MTREX: variants seen among roughly 807,000 people sequenced by gnomAD.
MTREX encodes the protein exosome RNA helicase MTR4.
In MTREX, 76 loss-of-function variants were observed where a neutral mutation model predicts 135.4. That is an observed-to-expected ratio of 0.56 (90% CI 0.47 to 0.68). MTREX has a LOEUF of 0.68. Ranked by LOEUF, MTREX falls within the 30% of genes least tolerant of loss-of-function variation. The pLI, the probability that MTREX is intolerant of heterozygous loss-of-function variation, is 0.00. For missense variants in MTREX, 920 were observed against 1,262.1 expected, an observed-to-expected ratio of 0.73 and a Z score of 4.11; for synonymous variants, 404 against 401.6, an observed-to-expected ratio of 1.01 and a Z score of -0.07.
chr5:55,351,041 T>A lies in MTREX; in HGVS notation c.1431+12T>A. 1 of 1,583,344 alleles carries A rather than the reference T, an allele frequency of 6.3e-7. No homozygotes were observed. The highest frequency in any genetic ancestry group is 8.5e-7 in the Non-Finnish European group (1 of 1,171,334). On this transcript the variant is annotated intron_variant, in intron 13 of 26. Coordinates refer to ENST00000230640, the MANE Select transcript of MTREX (RefSeq NM_015360.5). ...AAGGATTGATAAAGGTATGGTTTTA[T>A]TTTTATTTTTTATGCCCCCATATCA...
chr5:55,403,781 C>A (rs1213768237), intron 21 of MTREX, among the ~76,000 whole-genome samples: 3 of 152,208 alleles, frequency 2.0e-5, no homozygotes, highest in African/African-American at 7.2e-5. Context: ...CACATCTGTT[C>A]ATAGAAATAT....
Position 55,416,044 on chromosome 5 carries a change from A to G in MTREX, c.2883A>G (p.Ser961=). The change falls in exon 25 of 27, where the codon TCA becomes TCG. Residue 961 remains serine, a synonymous_variant. Transcript: ENST00000230640. ...TTGATGAGGAAACTTATCTAAGCTC[A>G]TTTAAACCTCACTTAATGGATGTAG... ...LEIDEETYLS[S]FKPHLMDVVY... The G allele has an allele frequency of 4.4e-6, 7 of 1,604,434 alleles. No homozygotes were observed. Among genetic ancestry groups the G allele is most frequent in the South Asian group, 2.3e-5 (2 of 88,534 alleles).
At position 55,379,149 on chromosome 5, in the gene MTREX, T is replaced by G. The variant is rs1750353464; in HGVS notation, c.2006T>G (p.Phe669Cys). The part of the protein sequence containing the change: ...LVKVKNEGDD[F>C]GWGVVVNFSK... ...TAGGTAAAGAATGAAGGAGATGACT[T>G]TGGCTGGGGAGTAGTGGTGAATTTC... The change falls in exon 18 of 27, where the codon TTT becomes TGT. Residue 669 changes from phenylalanine (F) to cysteine (C), a missense_variant. Physicochemically the swap from Phe to Cys is radical, Grantham distance 205 (BLOSUM62 -2). Coordinates refer to ENST00000230640, the MANE Select transcript of MTREX (RefSeq NM_015360.5). 6.2e-7 allele frequency: 1 copy of G among 1,609,600 alleles called. No individual in the cohort carries two copies. The highest frequency in any genetic ancestry group is 1.3e-5 in the African/African-American group (1 of 74,980).
At chr5:55,339,863 G>A (rs1284735024) in intron 5 of MTREX, 147 bp from the exon 6 acceptor site, 5 of 432,194 alleles carry the variant, frequency 1.2e-5, no homozygotes, top group Non-Finnish European at 2.0e-5. Context: ...ATAATTATTA[G>A]TATAATAGAT....
intron 17 of MTREX, 120 bp from the exon 18 acceptor site, chr5:55,379,006 CA>C: frequency 1.5e-6 from 1 of 663,700 alleles, no homozygotes; most frequent in East Asian, 2.9e-5. Flanking sequence ...AGTGCTCTTT[CA>C]AAGATATTTT....
chr5:55,343,314 A>G lies in MTREX; in HGVS notation c.782-17A>G, dbSNP rs1307546253. On this transcript the variant is annotated splice_polypyrimidine_tract_variant and intron_variant, in intron 7 of 26. Transcript: ENST00000230640. ...GTAGTCCAACTATAGTCCAAAGTAT[A>G]TATTTATTTTTTTCAGAACGTGGTG... The G allele has an allele frequency of 3.7e-5, 59 of 1,597,652 alleles. No homozygotes were observed. Among genetic ancestry groups the G allele is most frequent in the South Asian group, 5.6e-5 (5 of 88,918 alleles).
In MTREX at chr5:55,405,413, C is replaced by A; in HGVS notation, c.2482-12C>A. The A allele has an allele frequency of 6.2e-7, 1 of 1,603,116 alleles. No homozygotes were observed. The highest frequency in any genetic ancestry group is 8.5e-7 in the Non-Finnish European group (1 of 1,171,892). On this transcript the variant is annotated splice_polypyrimidine_tract_variant and intron_variant, in intron 21 of 26. Coordinates refer to ENST00000230640, the MANE Select transcript of MTREX (RefSeq NM_015360.5). ...TATTATTGAACTTTCTTTATACTTT[C>A]ATGTGCTTTAGATTGCAATAGATAT...
At chr5:55,373,004 C>T (rs1317719263) in intron 16 of MTREX, among the ~76,000 whole-genome samples, 1 of 148,754 alleles carries the variant, frequency 6.7e-6, no homozygotes, top group East Asian at 2.0e-4. Flanking sequence ...CTTGTTAAAA[C>T]GTTGGGGCAC....
At chr5:55,345,271 TAG>T in intron 10 of MTREX, 75 bp downstream of exon 10, 2 of 972,444 alleles carry the variant, frequency 2.1e-6, no homozygotes, top group African/African-American at 1.7e-5. Flanking sequence ...TTTTTTGTCT[TAG>T]TTTTTTTTTC....
At chr5:55,324,222 G>C in intron 3 of MTREX, 24 bp downstream of exon 3, 1 of 1,562,394 alleles carries the variant, frequency 6.4e-7, no homozygotes, top group Non-Finnish European at 8.8e-7. Context: ...GCATACAGAA[G>C]GTTAGTGTTA....
chr5:55,323,649 G>A (rs1173932410), intron 2 of MTREX, among the ~76,000 whole-genome samples: 1 of 152,038 alleles, frequency 6.6e-6, no homozygotes, highest in East Asian at 1.9e-4. Flanking sequence ...TGAACTCCTG[G>A]GCTCAAGTGA....
chr5:55,313,391 T>C (rs1749147480), intron 1 of MTREX, among the ~76,000 whole-genome samples: 1 of 152,026 alleles, frequency 6.6e-6, no homozygotes, highest in Non-Finnish European at 1.5e-5. Context: ...CAGGGAGCTG[T>C]GATCATGACA....
At chr5:55,419,699 C>T (rs1373198037) in intron 25 of MTREX, among the ~76,000 whole-genome samples, 12 of 152,200 alleles carry the variant, frequency 7.9e-5, no homozygotes, top group Admixed American at 2.0e-4. Flanking sequence ...GATTTGCTTT[C>T]CACTGAGCAA....
chr5:55,331,107 G>A (rs1749467974), intron 5 of MTREX, among the ~76,000 whole-genome samples: 1 of 151,700 alleles, frequency 6.6e-6, no homozygotes, highest in Non-Finnish European at 1.5e-5. Context: ...AGCATATAGA[G>A]TACTGTTATA....
intron 18 of MTREX, among the ~76,000 whole-genome samples, chr5:55,385,369 C>T (rs1040230128): frequency 1.2e-4 from 19 of 152,072 alleles, no homozygotes; most frequent in African/African-American, 4.6e-4. Context: ...GCTAGGTGAA[C>T]GAAGGGGAGC....
At chr5:55,399,757 G>A (rs1345573066) in intron 20 of MTREX, among the ~76,000 whole-genome samples, 2 of 152,140 alleles carry the variant, frequency 1.3e-5, no homozygotes, top group Non-Finnish European at 2.9e-5. Flanking sequence ...AAAGTGCTGG[G>A]ATTACAGGCG....
At position 55,423,024 on chromosome 5, in the gene MTREX, T is replaced by C. The variant is rs762616669; in HGVS notation, c.3076+42T>C. 13 of 1,520,584 alleles carry C rather than the reference T, an allele frequency of 8.5e-6. No homozygotes were observed. In the South Asian group the frequency reaches 1.5e-4, roughly 18 times the overall value. The allele number at this position is 1,520,584 out of a possible 1,614,324, so 94.2% of individuals were successfully genotyped here. ...TAAGCTGTTTCTAATTTAGACAAAT[T>C]TGGTGAAGCAAATCTTGAGCCCTGG... On this transcript the variant is annotated intron_variant, in intron 26 of 26. Transcript: ENST00000230640.
rs149394835 is a variant in MTREX at position 55,422,945 on chromosome 5, C to T, written c.3039C>T (p.Ala1013=). The change falls in exon 26 of 27, where the codon GCC becomes GCT. Residue 1013 remains alanine, a synonymous_variant. Transcript: ENST00000230640. The stretch of plus-strand genomic sequence containing the variant: ...GACAAATGTGTCAAGCAGCAAAAGC[C>T]ATTGGAAACACTGAGCTGGAAAATA... ...LLRQMCQAAK[A]IGNTELENKF... 1.9e-5 allele frequency: 31 copies of T among 1,614,042 alleles called. No homozygotes were observed. In the African/African-American group the frequency reaches 3.7e-4, roughly 19 times the overall value.
chr5:55,382,103 A>G (rs1236242171), intron 18 of MTREX, among the ~76,000 whole-genome samples: 1 of 152,040 alleles, frequency 6.6e-6, no homozygotes, highest in African/African-American at 2.4e-5. Flanking sequence ...TTTTTAATCC[A>G]ATCTGAAAAT....
Sources: gnomAD v4.1 joint callset for allele counts (sites outside exome capture counted in the v4.1 genomes callset) on GRCh38, gnomAD v4.1.1 for gene constraint, MANE v1.5 for transcripts, NCBI Gene and HGNC (gene_info 2026-07-23, HGNC 2026-07-21) for gene names.